Variants in NSMCE1 observed in about 807,000 individuals in gnomAD.
The protein encoded by NSMCE1 is NSE1 component of SMC5/6 complex.
In NSMCE1, 18 loss-of-function variants were observed where a neutral mutation model predicts 29.6. The observed-to-expected ratio is 0.61, with a 90% CI of 0.42 to 0.90. The LOEUF is 0.90. NSMCE1 is among the 40% of genes least tolerant of loss of function. NSMCE1 has a pLI of 0.00. For synonymous variants in NSMCE1, 124 were observed against 133.4 expected (o/e 0.93, Z 0.49); for missense variants, 314 against 343.6 (o/e 0.91, Z 0.68).
intron 2 of NSMCE1, among the ~76,000 whole-genome samples, chr16:27,238,258 C>T (rs2083849065): frequency 1.3e-5 from 2 of 152,188 alleles, no homozygotes; most frequent in African/African-American, 2.4e-5. Context: ...CACACAGTCT[C>T]GCCTCCAGCC....
intron 2 of NSMCE1, chr16:27,242,006 T>G: frequency 3.0e-6 from 1 of 335,694 alleles, no homozygotes; most frequent in Non-Finnish European, 6.1e-6. Context: ...TACATATACA[T>G]GCAATGATGT....
intron 2 of NSMCE1, among the ~76,000 whole-genome samples, chr16:27,244,712 G>A (rs1033946012): frequency 6.6e-5 from 10 of 152,178 alleles, no homozygotes; most frequent in East Asian, 1.9e-4. Flanking sequence ...CCGCTCTACC[G>A]AGGGACTCAA....
At chr16:27,251,674 G>C (rs1312490801) in intron 2 of NSMCE1, among the ~76,000 whole-genome samples, 1 of 152,186 alleles carries the variant, frequency 6.6e-6, no homozygotes, top group Non-Finnish European at 1.5e-5. Flanking sequence ...AGAAGAGTTT[G>C]GGTAGAAATG....
chr16:27,243,685 C>T (rs140866881), intron 2 of NSMCE1, among the ~76,000 whole-genome samples: 2 of 152,338 alleles, frequency 1.3e-5, no homozygotes, highest in East Asian at 3.9e-4. Context: ...GGGTCTCGCT[C>T]TGTCATCTAG....
chr16:27,245,247 G>C (rs2083943263), intron 2 of NSMCE1, among the ~76,000 whole-genome samples: 1 of 152,212 alleles, frequency 6.6e-6, no homozygotes, highest in Non-Finnish European at 1.5e-5. Context: ...AAAAGTAAAA[G>C]AACTTTCCCC....
intron 5 of NSMCE1, among the ~76,000 whole-genome samples, chr16:27,227,313 A>G (rs1190110013): frequency 6.6e-6 from 1 of 152,170 alleles, no homozygotes; most frequent in Non-Finnish European, 1.5e-5. Context: ...TGCAGTAGGG[A>G]CCCTCAGAGA....
At chr16:27,227,260 G>GTGCCTCCCAGCACTTC (rs1021340260) in intron 5 of NSMCE1, among the ~76,000 whole-genome samples, 8 of 152,136 alleles carry the variant, frequency 5.3e-5, no homozygotes, top group Admixed American at 1.3e-4. Context: ...AGCATCCCTG[G>GTGCCTCCCAGCACTTC]TGCCTCCCAG....
intron 2 of NSMCE1, among the ~76,000 whole-genome samples, chr16:27,254,309 A>G (rs1175906356): frequency 6.6e-6 from 1 of 152,206 alleles, no homozygotes; most frequent in Non-Finnish European, 1.5e-5. Context: ...CCCTGGCCAT[A>G]ACCATATCTA....
rs750513054 is a variant in NSMCE1, at chr16:27,257,522, G to A, written c.49C>T (p.Arg17Cys). The change falls in exon 2 of 8, where the codon CGC becomes TGC. Residue 17 changes from arginine to cysteine, a missense_variant. Arg to Cys is a radical substitution (Grantham distance 180). Transcript: ENST00000361439. ...RMGVMTDVHRRFLQLLMTHGV... is the reference protein window; with the variant it reads ...RMGVMTDVHRCFLQLLMTHGV... ...TGGGTCATCAGCAACTGGAGGAAGC[G>A]CCGGTGGACATCAGTCATGACGCCC... 8.1e-6 allele frequency: 13 copies of A among 1,613,814 alleles called. No individual in the cohort carries two copies. The highest frequency in any genetic ancestry group is 9.3e-6 in the Non-Finnish European group (11 of 1,179,934).
intron 2 of NSMCE1, among the ~76,000 whole-genome samples, chr16:27,250,690 G>A (rs2084017361): frequency 6.6e-6 from 1 of 151,642 alleles, no homozygotes. Flanking sequence ...CTACTCGGGA[G>A]GCGGAGGCAG....
At chr16:27,259,762 CA>C (rs961036766) in intron 1 of NSMCE1, among the ~76,000 whole-genome samples, 4 of 152,142 alleles carry the variant, frequency 2.6e-5, no homozygotes, top group African/African-American at 9.7e-5. Context: ...TAAAACCACA[CA>C]ATACCAGAGA....
Position 27,250,880 on chromosome 16 carries a change from T to A in NSMCE1, c.136+6555A>T, listed in dbSNP as rs536653908. ...TTTTTGAGATGGAGTTTTGCTCTTG[T>A]TGCCCAGGCTGGGGTGCAATGCACG... On this transcript the variant is annotated intron_variant, in intron 2 of 7. Transcript: ENST00000361439. Among the ~76,000 whole-genome samples, 814 of 147,422 alleles carry A rather than the reference T, an allele frequency of 5.5e-3. 2 individuals are homozygous for A. The highest frequency in any genetic ancestry group is 6.6e-3 in the Non-Finnish European group (442 of 66,682).
chr16:27,233,446 C>T (rs371355620), intron 4 of NSMCE1, among the ~76,000 whole-genome samples: 19 of 152,262 alleles, frequency 1.2e-4, no homozygotes, highest in South Asian at 4.2e-4. Flanking sequence ...GAGAGAGACA[C>T]GGCAGGCAGG....
intron 1 of NSMCE1, among the ~76,000 whole-genome samples, chr16:27,261,587 C>G (rs1232158685): frequency 6.6e-6 from 1 of 152,140 alleles, no homozygotes; most frequent in African/African-American, 2.4e-5. Flanking sequence ...CATCTTCTCA[C>G]AAAGAAAACT....
Position 27,230,349 on chromosome 16 carries a change from A to G in NSMCE1, c.483+2652T>C, listed in dbSNP as rs1235215582. On this transcript the variant is annotated intron_variant, in intron 5 of 7. Coordinates refer to ENST00000361439, the MANE Select transcript of NSMCE1 (RefSeq NM_145080.4). Reference sequence around the variant, plus strand: ...TGGGAAGCCCTGTGTCTGAGAGGCCAAGGATCAGACACTGACATGTGGTCT... The same window carrying G: ...TGGGAAGCCCTGTGTCTGAGAGGCCGAGGATCAGACACTGACATGTGGTCT... 6.6e-5 allele frequency among the ~76,000 whole-genome samples: 10 copies of G among 152,144 alleles called. 1 individual carries two copies. The highest frequency in any genetic ancestry group is 1.5e-5 in the Non-Finnish European group (1 of 67,996).
At chr16:27,231,481 A>G (rs764323589) in intron 5 of NSMCE1, among the ~76,000 whole-genome samples, 70 of 152,308 alleles carry the variant, frequency 4.6e-4, no homozygotes, top group Non-Finnish European at 5.0e-4. Flanking sequence ...TACTAAAAAT[A>G]GAAAAATTAG....
At chr16:27,241,202 G>T (rs1273494213) in intron 2 of NSMCE1, among the ~76,000 whole-genome samples, 1 of 152,216 alleles carries the variant, frequency 6.6e-6, no homozygotes, top group African/African-American at 2.4e-5. Flanking sequence ...TTGGGCAACA[G>T]GAAATTGGGA....
intron 1 of NSMCE1, among the ~76,000 whole-genome samples, chr16:27,267,055 T>C (rs1179325618): frequency 6.6e-6 from 1 of 152,144 alleles, no homozygotes; most frequent in African/African-American, 2.4e-5. Context: ...TGCAGATAAA[T>C]CCTAGTGTTT....
In NSMCE1 at chr16:27,236,517, G is replaced by C. The variant is rs189837451; in HGVS notation, c.137-1218C>G. ...TTACCATGTTGGCCAGGCTGGTCTCGATCTCCTGACCTCAAGTGTTCCGCC... is the reference window on the plus strand; with the variant it reads ...TTACCATGTTGGCCAGGCTGGTCTCCATCTCCTGACCTCAAGTGTTCCGCC... On this transcript the variant is annotated intron_variant, in intron 2 of 7. Coordinates refer to ENST00000361439, the MANE Select transcript of NSMCE1 (RefSeq NM_145080.4). 8.6e-4 allele frequency among the ~76,000 whole-genome samples: 131 copies of C among 152,082 alleles called. 4 individuals carry two copies. The East Asian group carries it at 0.019, about 22-fold the overall frequency.
Sources: allele counts gnomAD v4.1 joint callset (sites outside exome capture counted in the v4.1 genomes callset), GRCh38; gene constraint gnomAD v4.1.1; transcripts MANE v1.5; gene names NCBI Gene and HGNC (gene_info 2026-07-23, HGNC 2026-07-21).